Variants in HBS1L observed in about 807,000 individuals in gnomAD.
The protein encoded by HBS1L is HBS1-like protein.
A neutral mutation model predicts 88.9 loss-of-function variants in HBS1L; 55 were observed. That is an observed-to-expected ratio of 0.62 (90% CI 0.50 to 0.77). The LOEUF is 0.77. HBS1L is among the 30% of genes least tolerant of loss of function. The pLI, the probability that HBS1L is intolerant of heterozygous loss-of-function variation, is 0.00. For missense variants in HBS1L, 741 were observed against 829.3 expected (o/e 0.89, Z 1.31); for synonymous variants, 267 against 288.5 (o/e 0.93, Z 0.76).
At chr6:135,040,601 C>T (rs1345250105) in intron 3 of HBS1L, among the ~76,000 whole-genome samples, 1 of 151,970 alleles carries the variant, frequency 6.6e-6, no homozygotes, top group East Asian at 1.9e-4. Context: ...CCACCTGCCT[C>T]GGCCTGCCAA....
intron 11 of HBS1L, among the ~76,000 whole-genome samples, chr6:134,985,660 T>C (rs1774958659): frequency 6.6e-6 from 1 of 152,074 alleles, no homozygotes. Flanking sequence ...TTGGAGCATT[T>C]TGGATTTCAG....
chr6:135,008,704 CTCGCTGAATTTAATGAAACCT>C (rs1436277347), intron 4 of HBS1L, among the ~76,000 whole-genome samples: 3 of 151,994 alleles, frequency 2.0e-5, no homozygotes, highest in Non-Finnish European at 2.9e-5. Context: ...CTGATACAGA[CTCGCTGAATTTAATGAAACCT>C]TCTGCTTGCA....
At chr6:135,039,515 G>A (rs1423538849) in intron 4 of HBS1L, 58 bp downstream of exon 4, 1 of 1,346,766 alleles carries the variant, frequency 7.4e-7, no homozygotes, top group Admixed American at 2.2e-5. Flanking sequence ...GCAAACGAAA[G>A]CCTCTCTTTA....
chr6:135,051,661 C>T (rs532212846), intron 1 of HBS1L, among the ~76,000 whole-genome samples: 1 of 152,206 alleles, frequency 6.6e-6, no homozygotes, highest in Non-Finnish European at 1.5e-5. Flanking sequence ...CGCCTGTTCA[C>T]TACATGAGAC....
chr6:135,026,596 C>T (rs1776232953), intron 4 of HBS1L, among the ~76,000 whole-genome samples: 1 of 151,938 alleles, frequency 6.6e-6, no homozygotes, highest in Admixed American at 6.6e-5. Context: ...TATACAAGTA[C>T]AGGAGATACA....
At chr6:134,998,846 T>C (rs1240171791) in intron 5 of HBS1L, among the ~76,000 whole-genome samples, 1 of 152,204 alleles carries the variant, frequency 6.6e-6, no homozygotes, top group Non-Finnish European at 1.5e-5. Context: ...CACTAACCAA[T>C]TTAGGTGTTC....
At position 134,962,781 on chromosome 6, in the gene HBS1L, G is replaced by A. The variant is rs1173364730; in HGVS notation, c.*2498C>T. ...TGAAGCAAAATGACACAAAATGGAT[G>A]TACTATAAATTATGGATGAAAGTAA... On this transcript the variant is annotated 3_prime_UTR_variant, in exon 18 of 18. Coordinates refer to ENST00000367837, the MANE Select transcript of HBS1L (RefSeq NM_006620.4). 4 of 152,208 alleles carry A rather than the reference G, an allele frequency of 2.6e-5. No individual in the cohort carries two copies. In the South Asian group the frequency reaches 6.2e-4, roughly 24 times the overall value. 9.4% of individuals were successfully genotyped at this position (152,208 alleles called of 1,614,324 possible). A position where few individuals can be genotyped will look rare whatever the true frequency, so the allele number is the denominator to read the frequency against.
chr6:135,042,167 T>C, intron 2 of HBS1L, 41 bp from the exon 3 acceptor site: 1 of 1,532,704 alleles, frequency 6.5e-7, no homozygotes, highest in East Asian at 2.3e-5. Context: ...GGTATAGCCA[T>C]TTCCTATTAA....
At chr6:134,995,390 T>C (rs964960942) in intron 7 of HBS1L, among the ~76,000 whole-genome samples, 3 of 152,026 alleles carry the variant, frequency 2.0e-5, no homozygotes, top group African/African-American at 7.2e-5. Flanking sequence ...CTGCTATCTA[T>C]GGAATGAAGA....
At chr6:135,002,373 C>T (rs921360903) in intron 5 of HBS1L, among the ~76,000 whole-genome samples, 5 of 152,034 alleles carry the variant, frequency 3.3e-5, no homozygotes, top group Non-Finnish European at 2.9e-5. Context: ...TTAATGATTC[C>T]ATGATTCGGG....
intron 4 of HBS1L, among the ~76,000 whole-genome samples, chr6:135,006,005 C>T (rs962774217): frequency 6.6e-6 from 1 of 152,066 alleles, no homozygotes; most frequent in African/African-American, 2.4e-5. Flanking sequence ...ATTGAGGGCC[C>T]ATTTAAGATT....
intron 4 of HBS1L, among the ~76,000 whole-genome samples, chr6:135,030,616 G>T (rs536398073): frequency 1.7e-4 from 26 of 152,144 alleles, no homozygotes; most frequent in African/African-American, 6.3e-4. Flanking sequence ...CCAGTTAGAT[G>T]TTTAGGTAAT....
At chr6:134,999,448 C>CTTTTTTTTT (rs35807723) in intron 5 of HBS1L, among the ~76,000 whole-genome samples, 28 of 124,746 alleles carry the variant, frequency 2.2e-4, no homozygotes, top group East Asian at 4.7e-4. Context: ...TTTTTCTTTT[C>CTTTTTTTTT]TTTTTTTTTT....
intron 4 of HBS1L, among the ~76,000 whole-genome samples, chr6:135,028,704 A>T (rs1583135006): frequency 6.6e-6 from 1 of 152,154 alleles, no homozygotes; most frequent in African/African-American, 2.4e-5. Flanking sequence ...GACCAACTGG[A>T]GACGGTTCTT....
chr6:135,036,756 C>T (rs1426583764), intron 4 of HBS1L: 1 of 1,551,316 alleles, frequency 6.4e-7, no homozygotes, highest in Admixed American at 2.0e-5. Context: ...AACGAAGACA[C>T]AGTGTTGAGG....
chr6:134,997,885 A>G (rs1029322121), intron 5 of HBS1L, among the ~76,000 whole-genome samples: 2 of 152,196 alleles, frequency 1.3e-5, no homozygotes, highest in Admixed American at 6.5e-5. Context: ...AAAAATGAAG[A>G]TAAGAAGAAA....
chr6:134,977,873 T>C (rs1405519210), intron 15 of HBS1L, among the ~76,000 whole-genome samples: 1 of 152,004 alleles, frequency 6.6e-6, no homozygotes, highest in Non-Finnish European at 1.5e-5. Context: ...ACAAAAACTA[T>C]AAGAGTACGG....
At chr6:135,027,867 C>A (rs1438340025) in intron 4 of HBS1L, among the ~76,000 whole-genome samples, 10 of 151,742 alleles carry the variant, frequency 6.6e-5, no homozygotes, top group Non-Finnish European at 1.5e-4. Context: ...CACACTCAAG[C>A]AATCTTCCCA....
intron 16 of HBS1L, among the ~76,000 whole-genome samples, chr6:134,967,707 C>A (rs960816505): frequency 2.0e-5 from 3 of 152,188 alleles, no homozygotes; most frequent in Non-Finnish European, 2.9e-5. Context: ...CTAGGTCAAA[C>A]AACCTGGCTC....
Sources: allele counts gnomAD v4.1 joint callset (sites outside exome capture counted in the v4.1 genomes callset), GRCh38; gene constraint gnomAD v4.1.1; transcripts MANE v1.5; gene names NCBI Gene and HGNC (gene_info 2026-07-23, HGNC 2026-07-21).